The following ADAMTS17 variants were observed in gnomAD, a reference collection of about 807,000 sequenced individuals.
The protein encoded by ADAMTS17 is A disintegrin and metalloproteinase with thrombospondin motifs 17.
In ADAMTS17, 113 loss-of-function variants were observed where a neutral mutation model predicts 141.5. The ratio of observed to expected loss-of-function variants is 0.80; its 90% CI spans 0.69 to 0.93. The LOEUF (loss-of-function observed/expected upper bound fraction) is 0.93. Ranked by LOEUF, ADAMTS17 falls within the 40% of genes least tolerant of loss-of-function variation. The pLI is 0.00. For synonymous variants in ADAMTS17, 768 were observed against 630.6 expected (o/e 1.22, Z -3.27); for missense variants, 1,659 against 1,517.9 (o/e 1.09, Z -1.54).
chr15:100,083,193 T>G (rs2034868920), intron 15 of ADAMTS17, among the ~76,000 whole-genome samples: 1 of 152,166 alleles, frequency 6.6e-6, no homozygotes, highest in African/African-American at 2.4e-5. Flanking sequence ...TCCCTTTCCT[T>G]GCCAAGGTGA....
chr15:100,172,429 A>G (rs190803331), intron 8 of ADAMTS17, among the ~76,000 whole-genome samples: 1 of 152,330 alleles, frequency 6.6e-6, no homozygotes, highest in African/African-American at 2.4e-5. Context: ...TCAGTAAACA[A>G]AATTTTCCAC....
In ADAMTS17 at chr15:100,132,940, G is replaced by T. The variant is rs772441938; in HGVS notation, c.1575+274C>A. Among the ~76,000 whole-genome samples, 2 of 152,228 alleles carry T rather than the reference G, an allele frequency of 1.3e-5. 1 individual carries two copies. The highest frequency in any genetic ancestry group is 4.1e-4 in the South Asian group (2 of 4,830). ...GTTTTTCCATTTGAAATATACTGGT[G>T]AAAGTGTTCCTTTTAAGTAAATTTC... On this transcript the variant is annotated intron_variant, in intron 11 of 21. Coordinates refer to ENST00000268070, the MANE Select transcript of ADAMTS17 (RefSeq NM_139057.4).
chr15:100,106,798 G>C (rs1016657248), intron 14 of ADAMTS17, among the ~76,000 whole-genome samples: 2 of 152,216 alleles, frequency 1.3e-5, no homozygotes, highest in Admixed American at 6.5e-5. Flanking sequence ...GCACTTGGCT[G>C]GTTAGAAGTT....
intron 7 of ADAMTS17, among the ~76,000 whole-genome samples, chr15:100,209,306 T>C (rs2041710010): frequency 6.6e-6 from 1 of 152,162 alleles, no homozygotes; most frequent in Admixed American, 6.5e-5. Context: ...GGGGCCCTGC[T>C]CTTGGGCTGC....
chr15:100,269,498 T>C (rs983837560), intron 4 of ADAMTS17, among the ~76,000 whole-genome samples: 3 of 152,196 alleles, frequency 2.0e-5, no homozygotes, highest in Non-Finnish European at 2.9e-5. Flanking sequence ...GCTGTATTCA[T>C]TGAGGAAAAC....
intron 4 of ADAMTS17, among the ~76,000 whole-genome samples, chr15:100,267,152 C>T (rs1245828800): frequency 6.6e-6 from 1 of 152,092 alleles, no homozygotes; most frequent in East Asian, 1.9e-4. Context: ...AACACTAACT[C>T]CCACTGCCCC....
At chr15:100,015,866 G>GC (rs2061278789) in intron 18 of ADAMTS17, among the ~76,000 whole-genome samples, 1 of 152,182 alleles carries the variant, frequency 6.6e-6, no homozygotes, top group Non-Finnish European at 1.5e-5. Context: ...TTTTTGCGAT[G>GC]CATTTCCCAC....
At chr15:100,340,963 A>G in intron 2 of ADAMTS17, 76 bp downstream of exon 2, 7 of 892,520 alleles carry the variant, frequency 7.8e-6, no homozygotes, top group Non-Finnish European at 9.7e-6. Flanking sequence ...GAGGCGCCCC[A>G]CCCCCACCCT....
intron 18 of ADAMTS17, among the ~76,000 whole-genome samples, chr15:100,000,735 A>G (rs1428183991): frequency 6.6e-6 from 1 of 151,826 alleles, no homozygotes; most frequent in East Asian, 1.9e-4. Flanking sequence ...CTGGTCTCGA[A>G]CTCCTGACCT....
intron 7 of ADAMTS17, among the ~76,000 whole-genome samples, 193 bp downstream of exon 7, chr15:100,253,943 C>T (rs1043335344): frequency 1.3e-5 from 2 of 151,978 alleles, no homozygotes; most frequent in Admixed American, 1.3e-4. Context: ...CATCTAGATG[C>T]CTTCTGCCAT....
At chr15:100,093,427 C>T (rs2035584857) in intron 15 of ADAMTS17, among the ~76,000 whole-genome samples, 2 of 152,128 alleles carry the variant, frequency 1.3e-5, no homozygotes, top group Admixed American at 6.5e-5. Flanking sequence ...GGCACTCCTC[C>T]TTCCCTCATT....
chr15:100,122,823 AGAG>A (rs1434460392), intron 12 of ADAMTS17, among the ~76,000 whole-genome samples: 1 of 152,204 alleles, frequency 6.6e-6, no homozygotes, highest in Non-Finnish European at 1.5e-5. Flanking sequence ...TGGCTGAGAA[AGAG>A]GAGGAGTTGG....
intron 8 of ADAMTS17, among the ~76,000 whole-genome samples, chr15:100,191,717 C>T (rs1199380333): frequency 6.6e-6 from 1 of 152,238 alleles, no homozygotes; most frequent in Non-Finnish European, 1.5e-5. Flanking sequence ...ACTGCGGGGG[C>T]ACCTCCCATC....
At chr15:100,129,479 C>T (rs1424560992) in intron 12 of ADAMTS17, 1 of 152,356 alleles carries the variant, frequency 6.6e-6, no homozygotes, top group African/African-American at 2.4e-5. Flanking sequence ...CACAGTGGCT[C>T]ACACCTGTAA....
At chr15:100,042,168 G>A (rs536440854) in intron 18 of ADAMTS17, among the ~76,000 whole-genome samples, 8 of 152,206 alleles carry the variant, frequency 5.3e-5, no homozygotes, top group Non-Finnish European at 8.8e-5. Flanking sequence ...CAATCTCCCC[G>A]ATTTTCTGGC....
At chr15:100,170,379 C>T (rs929195888) in intron 8 of ADAMTS17, among the ~76,000 whole-genome samples, 1 of 152,166 alleles carries the variant, frequency 6.6e-6, no homozygotes. Context: ...CAGAGAGAAG[C>T]AACCTGCCCA....
chr15:100,337,446 C>G (rs1207772197), intron 2 of ADAMTS17, among the ~76,000 whole-genome samples: 4 of 152,160 alleles, frequency 2.6e-5, no homozygotes, highest in Non-Finnish European at 5.9e-5. Flanking sequence ...TAGGAGGATC[C>G]CCGACCTTCT....
chr15:100,148,917 A>T (rs1183627013), intron 10 of ADAMTS17, among the ~76,000 whole-genome samples: 1 of 152,120 alleles, frequency 6.6e-6, no homozygotes, highest in African/African-American at 2.4e-5. Flanking sequence ...AACAGCCAGC[A>T]TGAAGCAACT....
intron 9 of ADAMTS17, among the ~76,000 whole-genome samples, chr15:100,153,110 T>C (rs1318753650): frequency 6.6e-6 from 1 of 152,206 alleles, no homozygotes; most frequent in Middle Eastern, 3.2e-3. Flanking sequence ...TCTTAGACTA[T>C]GGCTTTGAGC....
Sources: gnomAD v4.1 joint callset for allele counts (sites outside exome capture counted in the v4.1 genomes callset) on GRCh38, gnomAD v4.1.1 for gene constraint, MANE v1.5 for transcripts, NCBI Gene and HGNC (gene_info 2026-07-23, HGNC 2026-07-21) for gene names.